Variants in TENM2 observed in about 807,000 individuals in gnomAD.
TENM2 encodes teneurin transmembrane protein 2.
A neutral mutation model predicts 245.2 loss-of-function variants in TENM2; 52 were observed. That is an observed-to-expected ratio of 0.21 (90% CI 0.17 to 0.27). TENM2 has a LOEUF of 0.27. Ranked by LOEUF, TENM2 falls within the 10% of genes least tolerant of loss-of-function variation. The pLI, the probability that TENM2 is intolerant of heterozygous loss-of-function variation, is 1.00. For synonymous variants in TENM2, 1,363 were observed against 1,438.9 expected (o/e 0.95, Z 1.19); for missense variants, 3,046 against 3,666.8 (o/e 0.83, Z 4.37).
chr5:167,817,415 A>T (rs1767144127), intron 2 of TENM2, among the ~76,000 whole-genome samples: 1 of 152,166 alleles, frequency 6.6e-6, no homozygotes. Context: ...TATGGAAAAA[A>T]CTTCTGTATT....
At chr5:167,986,657 C>G (rs1322695990) in intron 4 of TENM2, among the ~76,000 whole-genome samples, 2 of 152,170 alleles carry the variant, frequency 1.3e-5, no homozygotes, top group Admixed American at 1.3e-4. Flanking sequence ...TGAAAAACGT[C>G]AAGTGCATTT....
At chr5:167,356,217 A>AAAAAAAAAAAAGAAAAAGAAAAATT (rs1759321624) in intron 1 of TENM2, among the ~76,000 whole-genome samples, 1 of 129,104 alleles carries the variant, frequency 7.7e-6, no homozygotes, top group African/African-American at 3.2e-5. Flanking sequence ...AAAAAAAAAA[A>AAAAAAAAAAAAGAAAAAGAAAAATT]AAAATTAAAA....
intron 2 of TENM2, among the ~76,000 whole-genome samples, chr5:167,744,010 GGCTTGCCTGT>G (rs1216317641): frequency 1.3e-5 from 2 of 152,136 alleles, no homozygotes; most frequent in Admixed American, 6.5e-5. Flanking sequence ...GCAGTTAAGT[GGCTTGCCTGT>G]GCTCACACAG....
intron 2 of TENM2, among the ~76,000 whole-genome samples, chr5:167,546,333 C>G (rs1289512380): frequency 5.3e-5 from 8 of 152,054 alleles, no homozygotes; most frequent in South Asian, 2.1e-4. Flanking sequence ...TCAAATTATT[C>G]CTATATTGAA....
intron 5 of TENM2, among the ~76,000 whole-genome samples, chr5:168,041,681 T>C (rs1243139588): frequency 6.6e-6 from 1 of 152,224 alleles, no homozygotes; most frequent in Non-Finnish European, 1.5e-5. Flanking sequence ...CTCTAGAATG[T>C]AGGTTCCATG....
chr5:167,253,246 A>G, the TENM2 span, among the ~76,000 whole-genome samples: 1 of 137,044 alleles, frequency 7.3e-6, no homozygotes, highest in African/African-American at 2.7e-5. Context: ...ATGAGCCAAC[A>G]GGCCTGGCTT....
chr5:168,198,151 A>C (rs2152525716), intron 15 of TENM2, among the ~76,000 whole-genome samples: 1 of 151,488 alleles, frequency 6.6e-6, no homozygotes, highest in African/African-American at 2.4e-5. Flanking sequence ...CCTAAAAGAT[A>C]CATAAACAAA....
chr5:167,000,280 C>T, the TENM2 span, among the ~76,000 whole-genome samples: 1 of 152,152 alleles, frequency 6.6e-6, no homozygotes, highest in Admixed American at 6.5e-5. Flanking sequence ...AAAAAACATT[C>T]TATCAAATAT....
At chr5:167,471,320 A>G (rs1456136753) in intron 2 of TENM2, among the ~76,000 whole-genome samples, 1 of 152,168 alleles carries the variant, frequency 6.6e-6, no homozygotes, top group African/African-American at 2.4e-5. Flanking sequence ...TTCCCAAGCT[A>G]TGGCTGTGTA....
chr5:167,537,143 G>A (rs776911218), intron 2 of TENM2, among the ~76,000 whole-genome samples: 8 of 151,438 alleles, frequency 5.3e-5, no homozygotes, highest in Non-Finnish European at 1.2e-4. Context: ...TGGGTATGGT[G>A]GATCATGCCT....
chr5:166,989,300 G>A, the TENM2 span, among the ~76,000 whole-genome samples: 6 of 110,906 alleles, frequency 5.4e-5, no homozygotes. Context: ...TCTCTCTGTT[G>A]CCAGGCTGGA....
At chr5:167,143,904 C>T in the TENM2 span, among the ~76,000 whole-genome samples, 2 of 152,004 alleles carry the variant, frequency 1.3e-5, no homozygotes, top group Non-Finnish European at 2.9e-5. Context: ...CTTTTACCAA[C>T]CAATCAAATG....
chr5:167,931,123 TCCAA>T (rs1778249611), intron 3 of TENM2, among the ~76,000 whole-genome samples: 1 of 152,228 alleles, frequency 6.6e-6, no homozygotes, highest in African/African-American at 2.4e-5. Context: ...ATCCCAAGTT[TCCAA>T]CTATAGAGAT....
chr5:168,055,351 A>G (rs1789447134), intron 6 of TENM2, among the ~76,000 whole-genome samples: 1 of 152,228 alleles, frequency 6.6e-6, no homozygotes. Context: ...AATCATTGTT[A>G]AATAAATAAA....
At chr5:167,005,086 T>G in the TENM2 span, among the ~76,000 whole-genome samples, 1 of 152,176 alleles carries the variant, frequency 6.6e-6, no homozygotes, top group African/African-American at 2.4e-5. Flanking sequence ...TAAAAAGGAC[T>G]TTTCCCCCCC....
chr5:167,243,162 G>T, the TENM2 span, among the ~76,000 whole-genome samples: 1 of 152,138 alleles, frequency 6.6e-6, no homozygotes, highest in South Asian at 2.1e-4. Context: ...ATTATCAGAT[G>T]AAAGTAAGGA....
intron 2 of TENM2, among the ~76,000 whole-genome samples, chr5:167,416,907 G>A (rs959705561): frequency 2.6e-5 from 4 of 151,878 alleles, no homozygotes; most frequent in Non-Finnish European, 4.4e-5. Context: ...TGATTGTTTC[G>A]AGATCATTCA....
intron 9 of TENM2, among the ~76,000 whole-genome samples, chr5:168,110,390 C>G (rs1794588951): frequency 1.3e-5 from 2 of 152,146 alleles, no homozygotes; most frequent in South Asian, 4.1e-4. Flanking sequence ...TCATTTCCTC[C>G]CTTTGGAAAC....
chr5:167,620,666 AT>A lies in TENM2; in HGVS notation c.502+245194del, dbSNP rs561530456. On this transcript the variant is annotated intron_variant, in intron 2 of 28. Transcript: ENST00000518659. ...TCACTTGAAATGTTGATATTTGTAA[AT>A]GACAGAGCTCCCACTCTAGACTTAC... Among the ~76,000 whole-genome samples the A allele has an allele frequency of 1.4e-3, 206 of 151,548 alleles. 1 individual carries two copies. The highest frequency in any genetic ancestry group is 4.8e-3 in the African/African-American group (199 of 41,298).
Sources: allele counts gnomAD v4.1 joint callset (sites outside exome capture counted in the v4.1 genomes callset), GRCh38; gene constraint gnomAD v4.1.1; transcripts MANE v1.5; gene names NCBI Gene and HGNC (gene_info 2026-07-23, HGNC 2026-07-21).